The following CCDC7 variants were observed in gnomAD, a reference collection of about 807,000 sequenced individuals.
CCDC7 encodes the protein coiled-coil domain-containing protein 7.
CCDC7 carries 183 observed loss-of-function variants against 196.9 expected under a neutral mutation model. That is an observed-to-expected ratio of 0.93 (90% CI 0.82 to 1.05). The LOEUF (loss-of-function observed/expected upper bound fraction) is 1.05. CCDC7 is among the 50% of genes least tolerant of loss of function. The pLI is 0.00. For synonymous variants in CCDC7, 525 were observed against 484.6 expected (o/e 1.08, Z -1.10); for missense variants, 1,540 against 1,482.2 (o/e 1.04, Z -0.64).
At chr10:32,501,232 G>T (rs1346427515) in intron 9 of CCDC7, among the ~76,000 whole-genome samples, 1 of 151,886 alleles carries the variant, frequency 6.6e-6, no homozygotes, top group Non-Finnish European at 1.5e-5. Flanking sequence ...GCTCCATCAG[G>T]TCATTTATGT....
chr10:32,655,683 A>C (rs900829907), intron 20 of CCDC7, among the ~76,000 whole-genome samples: 14 of 151,974 alleles, frequency 9.2e-5, no homozygotes, highest in African/African-American at 3.4e-4. Context: ...ATGCCACCCA[A>C]GTAGTGCGTG....
intron 4 of CCDC7, 35 bp from the exon 6 acceptor site, chr10:32,462,982 A>G (rs755369244): frequency 3.1e-6 from 5 of 1,612,940 alleles, no homozygotes; most frequent in East Asian, 2.2e-5. Context: ...AGTAGTCACT[A>G]TTTCTTTTTT....
intron 16 of CCDC7, among the ~76,000 whole-genome samples, chr10:32,581,219 A>G (rs931778316): frequency 3.3e-5 from 5 of 152,190 alleles, no homozygotes; most frequent in Admixed American, 6.5e-5. Flanking sequence ...GTATTTAGAC[A>G]TGGAGTGATT....
At chr10:32,661,483 G>A (rs1040019023) in intron 20 of CCDC7, among the ~76,000 whole-genome samples, 5 of 152,178 alleles carry the variant, frequency 3.3e-5, no homozygotes, top group African/African-American at 1.2e-4. Flanking sequence ...GAAATGTGCT[G>A]GGTCTCACCT....
chr10:32,681,460 C>T (rs1288027666), intron 21 of CCDC7, among the ~76,000 whole-genome samples: 1 of 152,072 alleles, frequency 6.6e-6, no homozygotes, highest in Non-Finnish European at 1.5e-5. Context: ...CAGTCAAGCC[C>T]CCACCTTCCC....
chr10:32,551,812 C>A (rs1235876770), intron 13 of CCDC7, among the ~76,000 whole-genome samples: 3 of 152,072 alleles, frequency 2.0e-5, no homozygotes, highest in Admixed American at 2.0e-4. Flanking sequence ...CATTTTATGG[C>A]CTATCATATG....
chr10:32,663,060 C>A (rs1051182335), intron 20 of CCDC7, among the ~76,000 whole-genome samples: 1 of 151,716 alleles, frequency 6.6e-6, no homozygotes, highest in Non-Finnish European at 1.5e-5. Flanking sequence ...AACACTTTCC[C>A]CCTACCCACT....
intron 9 of CCDC7, among the ~76,000 whole-genome samples, chr10:32,505,863 C>A (rs1276484764): frequency 1.3e-5 from 2 of 149,808 alleles, no homozygotes; most frequent in Non-Finnish European, 1.5e-5. Flanking sequence ...AGAGGTGCTC[C>A]TCAGTTCCCA....
intron 32 of CCDC7, among the ~76,000 whole-genome samples, chr10:32,829,671 T>C (rs970364475): frequency 6.6e-6 from 1 of 152,138 alleles, no homozygotes; most frequent in African/African-American, 2.4e-5. Context: ...TCTCAGGAGA[T>C]GTGTACGGGT....
intron 21 of CCDC7, among the ~76,000 whole-genome samples, chr10:32,685,685 T>A (rs1256286080): frequency 5.3e-5 from 8 of 152,166 alleles, no homozygotes; most frequent in Non-Finnish European, 1.0e-4. Context: ...TATTGTTTGG[T>A]TTATGACATC....
intron 11 of CCDC7, among the ~76,000 whole-genome samples, chr10:32,526,860 G>A (rs746523813): frequency 6.6e-6 from 1 of 152,118 alleles, no homozygotes; most frequent in Non-Finnish European, 1.5e-5. Flanking sequence ...GAGCTGCATT[G>A]CCTGGGGTTG....
intron 18 of CCDC7, among the ~76,000 whole-genome samples, chr10:32,623,194 A>G (rs2063596647): frequency 6.6e-6 from 1 of 152,144 alleles, no homozygotes; most frequent in Non-Finnish European, 1.5e-5. Context: ...TATTAAATGT[A>G]CCTATATTTC....
chr10:32,511,506 T>G, intron 9 of CCDC7: 1 of 1,602,344 alleles, frequency 6.2e-7, no homozygotes, highest in Non-Finnish European at 8.6e-7. Flanking sequence ...GGATGTTCCT[T>G]AGGATTAACT....
chr10:32,540,795 C>T (rs1260726392), intron 11 of CCDC7, among the ~76,000 whole-genome samples: 2 of 152,020 alleles, frequency 1.3e-5, no homozygotes, highest in African/African-American at 4.8e-5. Context: ...CTCTAGTTGC[C>T]TTTATCATTT....
chr10:32,610,917 C>A (rs1029950451), intron 18 of CCDC7, among the ~76,000 whole-genome samples: 9 of 152,210 alleles, frequency 5.9e-5, no homozygotes, highest in Middle Eastern at 3.4e-3. Context: ...AAATAACTTA[C>A]AATCCTTTGA....
chr10:32,741,519 A>C (rs1453519776), intron 28 of CCDC7, among the ~76,000 whole-genome samples: 1 of 152,190 alleles, frequency 6.6e-6, no homozygotes, highest in Non-Finnish European at 1.5e-5. Flanking sequence ...CTTGTATATG[A>C]AAAGTGGGTC....
chr10:32,681,390 A>G (rs2075827543), intron 21 of CCDC7, among the ~76,000 whole-genome samples: 1 of 152,274 alleles, frequency 6.6e-6, no homozygotes, highest in African/African-American at 2.4e-5. Context: ...GTCTGGCCAG[A>G]CGCACTGACT....
intron 20 of CCDC7, among the ~76,000 whole-genome samples, chr10:32,652,053 T>C (rs1347945474): frequency 6.6e-6 from 1 of 152,196 alleles, no homozygotes; most frequent in Admixed American, 6.5e-5. Context: ...GTTCAATCGC[T>C]TTTAGTCTGT....
intron 13 of CCDC7, among the ~76,000 whole-genome samples, chr10:32,562,006 G>C (rs1305477648): frequency 2.0e-5 from 3 of 152,186 alleles, no homozygotes; most frequent in African/African-American, 7.2e-5. Context: ...ACTACTATCA[G>C]AGAATACTAC....
Sources: gnomAD v4.1 joint callset for allele counts (sites outside exome capture counted in the v4.1 genomes callset) on GRCh38, gnomAD v4.1.1 for gene constraint, MANE v1.5 for transcripts, NCBI Gene and HGNC (gene_info 2026-07-23, HGNC 2026-07-21) for gene names.